TARBP1: variants seen among roughly 807,000 people sequenced by gnomAD.
The protein encoded by TARBP1 is tRNA guanosine 2 -O-methyltransferase TARBP1.
A neutral mutation model predicts 178.6 loss-of-function variants in TARBP1; 144 were observed. The observed-to-expected ratio is 0.81, with a 90% CI of 0.70 to 0.93. The LOEUF is 0.93. Ranked by LOEUF, TARBP1 falls within the 40% of genes least tolerant of loss-of-function variation. TARBP1 has a pLI of 0.00. For synonymous variants in TARBP1, 787 were observed against 781.0 expected, an observed-to-expected ratio of 1.01 and a Z score of -0.13; for missense variants, 2,067 against 2,011.7, an observed-to-expected ratio of 1.03 and a Z score of -0.53.
intron 12 of TARBP1, among the ~76,000 whole-genome samples, chr1:234,440,756 A>C (rs1428153712): frequency 2.0e-5 from 3 of 152,062 alleles, no homozygotes; most frequent in Non-Finnish European, 4.4e-5. Flanking sequence ...CACAGTTAAA[A>C]ATTGAAATTT....
At chr1:234,395,342 G>C (rs1280787788) in intron 26 of TARBP1, among the ~76,000 whole-genome samples, 1 of 152,206 alleles carries the variant, frequency 6.6e-6, no homozygotes, top group East Asian at 1.9e-4. Flanking sequence ...CTATGTGGAG[G>C]CTAGAAAACC....
intron 25 of TARBP1, 36 bp from the exon 26 acceptor site, chr1:234,398,589 TTAAGAA>T (rs776877464): frequency 7.1e-5 from 103 of 1,452,864 alleles, no homozygotes; most frequent in Non-Finnish European, 9.5e-5. Context: ...ATTTCTTCCC[TTAAGAA>T]TAACAAAGAA....
At chr1:234,399,116 C>T (rs548083541) in intron 25 of TARBP1, among the ~76,000 whole-genome samples, 4 of 152,358 alleles carry the variant, frequency 2.6e-5, no homozygotes, top group African/African-American at 4.8e-5. Flanking sequence ...TTCGTGAACA[C>T]GGCATAGTCT....
chr1:234,472,735 C>T lies in TARBP1; in HGVS notation c.1008G>A (p.Met336Ile). The T allele has an allele frequency of 6.3e-7, 1 of 1,597,568 alleles. No individual in the cohort carries two copies. Among genetic ancestry groups the T allele is most frequent in the Non-Finnish European group, 8.5e-7 (1 of 1,174,354 alleles). The change falls in exon 2 of 30, where the codon ATG becomes ATA. Residue 336 changes from methionine to isoleucine, a missense_variant. Coordinates refer to ENST00000040877, the MANE Select transcript of TARBP1 (RefSeq NM_005646.4). ...TTACCTGATTTCCTTCTAAAGTCTC[C>T]ATAATTAAAATATAATTTTCCCAAA... ...LKFWENYILI[M>I]ETLEGNQIHV...
chr1:234,469,666 A>C (rs1044154162), intron 3 of TARBP1, among the ~76,000 whole-genome samples: 1 of 152,272 alleles, frequency 6.6e-6, no homozygotes, highest in Non-Finnish European at 1.5e-5. Context: ...GTGTAAACAC[A>C]ATAATGTGGC....
At chr1:234,414,436 C>G (rs1662194264) in intron 22 of TARBP1, among the ~76,000 whole-genome samples, 1 of 152,086 alleles carries the variant, frequency 6.6e-6, no homozygotes, top group African/African-American at 2.4e-5. Context: ...GAAGCACCAC[C>G]ATTTAAGAGG....
At chr1:234,396,465 C>T (rs1659943581) in intron 26 of TARBP1, among the ~76,000 whole-genome samples, 1 of 152,184 alleles carries the variant, frequency 6.6e-6, no homozygotes, top group Non-Finnish European at 1.5e-5. Context: ...CCCTCCGTCC[C>T]TCTCTTCACC....
rs116938062 is a variant in TARBP1, at chr1:234,437,943, C to A, written c.2135-571G>T. 2.6e-4 allele frequency among the ~76,000 whole-genome samples: 40 copies of A among 152,302 alleles called. No individual in the cohort carries two copies. In the East Asian group the frequency reaches 7.0e-3, roughly 26 times the overall value. The stretch of plus-strand genomic sequence containing the variant: ...GGCTCACCTCCAAGCTGCACATGCA[C>A]GGATCTGATGCTAATCAGCACACCA... On this transcript the variant is annotated intron_variant, in intron 12 of 29. Coordinates refer to ENST00000040877, the MANE Select transcript of TARBP1 (RefSeq NM_005646.4).
At chr1:234,404,294 G>T (rs1660996362) in intron 24 of TARBP1, among the ~76,000 whole-genome samples, 1 of 152,104 alleles carries the variant, frequency 6.6e-6, no homozygotes, top group African/African-American at 2.4e-5. Flanking sequence ...GAAAGTCTAT[G>T]GGGTAACTAT....
chr1:234,460,598 G>C (rs558569292), intron 6 of TARBP1, among the ~76,000 whole-genome samples: 38 of 152,278 alleles, frequency 2.5e-4, no homozygotes, highest in Admixed American at 5.9e-4. Context: ...CACAATGCTG[G>C]TGGGAATGTA....
Position 234,401,252 on chromosome 1 carries a change from T to G in TARBP1, c.4000A>C (p.Lys1334Gln). The G allele has an allele frequency of 6.2e-7, 1 of 1,612,582 alleles. No individual in the cohort carries two copies. The highest frequency in any genetic ancestry group is 8.5e-7 in the Non-Finnish European group (1 of 1,179,042). Residue 1334 changes from lysine (K) to glutamine (Q), a missense_variant, in exon 25 of 30, where the codon AAG becomes CAG. Coordinates refer to ENST00000040877, the MANE Select transcript of TARBP1 (RefSeq NM_005646.4). ...TGCTCCTGAATGCGTTGCCAATTCTTCTTGGCATTCCTAAGGATTAAAAAT... is the reference window on the plus strand; with the variant it reads ...TGCTCCTGAATGCGTTGCCAATTCTGCTTGGCATTCCTAAGGATTAAAAAT... ...ESMHGAGNAK[K>Q]NWQRIQEHFF...
chr1:234,478,600 G>A lies in TARBP1; in HGVS notation c.504C>T (p.Val168=). The A allele has an allele frequency of 3.1e-6, 4 of 1,298,788 alleles. No homozygotes were observed. The highest frequency in any genetic ancestry group is 3.9e-6 in the Non-Finnish European group (4 of 1,025,368). The allele number at this position is 1,298,788 out of a possible 1,614,324, so 80.5% of individuals were successfully genotyped here. A position where few individuals can be genotyped will look rare whatever the true frequency, so the allele number is the denominator to read the frequency against. Residue 168 remains valine (V), a synonymous_variant, in exon 1 of 30, where the codon GTC becomes GTT. Coordinates refer to ENST00000040877, the MANE Select transcript of TARBP1 (RefSeq NM_005646.4). ...PLLERVAGTA[V]ALALGGGGDG... ...CCCCGCCCCCGCCCAGCGCCAGGGC[G>A]ACGGCGGTCCCCGCCACGCGCTCCA...
chr1:234,448,585 A>G lies in TARBP1; in HGVS notation c.1862-6T>C. ...CATAAAGCAGTTTTCTCCTGCTTAA[A>G]TAACAACAGTTAAGGTTTGCAAAGC... On this transcript the variant is annotated splice_polypyrimidine_tract_variant and splice_region_variant and intron_variant, in intron 10 of 29. Transcript: ENST00000040877. The G allele has an allele frequency of 1.9e-6, 3 of 1,611,610 alleles. No individual in the cohort carries two copies. Among genetic ancestry groups the G allele is most frequent in the Non-Finnish European group, 2.5e-6 (3 of 1,177,976 alleles).
rs1669023533 is a variant in TARBP1, at chr1:234,471,223, T to C, written c.1064A>G (p.Asn355Ser). ...TGACACCGCATATTCAAACAGATTG[T>C]TTAGCTTTGGTAAAACTGGCTTTAT... ...HVIKPVLPKL[N>S]NLFEYAVSEE... Residue 355 changes from asparagine (N) to serine (S), a missense_variant, in exon 3 of 30, where the codon AAC becomes AGC. By Grantham distance (46) the Asn-to-Ser change is conservative (BLOSUM62 1). Transcript: ENST00000040877. 1 of 1,601,000 alleles carries C rather than the reference T, an allele frequency of 6.2e-7. No homozygotes were observed.
chr1:234,409,064 T>C (rs1661546409), intron 23 of TARBP1, among the ~76,000 whole-genome samples: 1 of 152,128 alleles, frequency 6.6e-6, no homozygotes, highest in Non-Finnish European at 1.5e-5. Flanking sequence ...AAACCTACAT[T>C]TATCTAGGTA....
chr1:234,421,614 C>T (rs6665103), intron 20 of TARBP1, among the ~76,000 whole-genome samples: 36,674 of 152,216 alleles, frequency 0.24, 4,679 homozygotes, highest in East Asian at 0.44. Context: ...TGCAAGGCAT[C>T]TCTACGCATG....
chr1:234,438,499 T>C (rs1665264022), intron 12 of TARBP1, among the ~76,000 whole-genome samples: 1 of 152,140 alleles, frequency 6.6e-6, no homozygotes, highest in Non-Finnish European at 1.5e-5. Flanking sequence ...GTACAATAAC[T>C]GAAATAAATT....
Position 234,471,081 on chromosome 1 carries a change from T to C in TARBP1, c.1099+107A>G. ...TACAAGATGATTATATTTTCTTCTG[T>C]ACACTTTTATAGTTTTTCAAAATTC... On this transcript the variant is annotated intron_variant, in intron 3 of 29. Transcript: ENST00000040877. The C allele has an allele frequency of 2.5e-6, 2 of 811,266 alleles. 1 individual carries two copies. Among genetic ancestry groups the C allele is most frequent in the South Asian group, 3.4e-5 (2 of 59,486 alleles). 50.3% of individuals were successfully genotyped at this position (811,266 alleles called of 1,614,324 possible). A position where few individuals can be genotyped will look rare whatever the true frequency, so the allele number is the denominator to read the frequency against.
intron 20 of TARBP1, among the ~76,000 whole-genome samples, chr1:234,424,284 C>G (rs570079637): frequency 1.3e-5 from 2 of 152,314 alleles, no homozygotes; most frequent in South Asian, 4.1e-4. Flanking sequence ...ACATGGGGAA[C>G]AGAGCACCAT....
Sources: gnomAD v4.1 joint callset for allele counts (sites outside exome capture counted in the v4.1 genomes callset) on GRCh38, gnomAD v4.1.1 for gene constraint, MANE v1.5 for transcripts, NCBI Gene and HGNC (gene_info 2026-07-23, HGNC 2026-07-21) for gene names.